GALNT18: variants seen among roughly 807,000 people sequenced by gnomAD.
GALNT18 encodes the protein GalNAc-transferase 18.
GALNT18 carries 44 observed loss-of-function variants against 69.5 expected under a neutral mutation model. The ratio of observed to expected loss-of-function variants is 0.63; its 90% CI spans 0.50 to 0.81. GALNT18 has a LOEUF of 0.81. GALNT18 is among the 40% of genes least tolerant of loss of function. GALNT18 has a pLI of 0.00. For missense variants in GALNT18, 715 were observed against 810.0 expected, an observed-to-expected ratio of 0.88 and a Z score of 1.42; for synonymous variants, 364 against 318.2, an observed-to-expected ratio of 1.14 and a Z score of -1.53.
At chr11:11,520,644 C>T (rs1857375461) in intron 1 of GALNT18, among the ~76,000 whole-genome samples, 1 of 152,144 alleles carries the variant, frequency 6.6e-6, no homozygotes, top group African/African-American at 2.4e-5. Context: ...TGGGGACCCA[C>T]ACCTCTGGGA....
chr11:11,287,472 C>G (rs554428739), intron 10 of GALNT18, among the ~76,000 whole-genome samples: 1 of 152,154 alleles, frequency 6.6e-6, no homozygotes, highest in African/African-American at 2.4e-5. Context: ...CCACAAAGTT[C>G]TTCTCTGTAG....
At position 11,602,842 on chromosome 11, in the gene GALNT18, G is replaced by A. The variant is rs759458227; in HGVS notation, c.235+18517C>T. The stretch of plus-strand genomic sequence containing the variant: ...TTACTTCACTTTGACCATATTTTCT[G>A]AATTAAAAATAAGGGTGTATGGTCT... On this transcript the variant is annotated intron_variant, in intron 1 of 10. Coordinates refer to ENST00000227756, the MANE Select transcript of GALNT18 (RefSeq NM_198516.3). This position sits in a 1 kb window ranked among gnomAD's most constrained non-coding sequence, Gnocchi z 4.7. 7.2e-5 allele frequency among the ~76,000 whole-genome samples: 11 copies of A among 152,120 alleles called. No individual in the cohort carries two copies. Among genetic ancestry groups the A allele is most frequent in the Non-Finnish European group, 1.5e-5 (1 of 68,012 alleles).
In GALNT18 at chr11:11,547,108, G is replaced by A. The variant is rs548022194; in HGVS notation, c.235+74251C>T. On this transcript the variant is annotated intron_variant, in intron 1 of 10. Transcript: ENST00000227756. Reference sequence around the variant, plus strand: ...CTGCTGTGAGGATTAAATGAGAAACGTACAGAAAGTATTTAGCCTTGTGCA... The same window carrying A: ...CTGCTGTGAGGATTAAATGAGAAACATACAGAAAGTATTTAGCCTTGTGCA... Among the ~76,000 whole-genome samples the A allele has an allele frequency of 4.6e-5, 7 of 152,294 alleles. 1 individual carries two copies. Among genetic ancestry groups the A allele is most frequent in the African/African-American group, 1.4e-4 (6 of 41,552 alleles).
chr11:11,454,112 A>C lies in GALNT18; in HGVS notation c.236-5176T>G, dbSNP rs959918539. On this transcript the variant is annotated intron_variant, in intron 1 of 10. Transcript: ENST00000227756. The surrounding 1 kb of genome is among the most constrained non-coding windows in gnomAD (Gnocchi z 4.2). ...TCAGAAAACTCCCTGCCTACTAGAG[A>C]TTCCCCAAATCTTTCAGAGGGAGTA... Among the ~76,000 whole-genome samples the C allele has an allele frequency of 1.3e-5, 2 of 152,190 alleles. No homozygotes were observed. The highest frequency in any genetic ancestry group is 4.8e-5 in the African/African-American group (2 of 41,454).
intron 9 of GALNT18, among the ~76,000 whole-genome samples, chr11:11,295,307 A>G (rs1849378820): frequency 6.6e-6 from 1 of 152,192 alleles, no homozygotes; most frequent in Non-Finnish European, 1.5e-5. Context: ...AGTATGTAAT[A>G]AAGGCACCAT....
intron 1 of GALNT18, among the ~76,000 whole-genome samples, chr11:11,457,469 T>C (rs1489359424): frequency 6.6e-6 from 1 of 152,192 alleles, no homozygotes; most frequent in Non-Finnish European, 1.5e-5. Context: ...ATCTGCTCCT[T>C]GGATTGGAGG....
Position 11,332,694 on chromosome 11 carries a change from C to G in GALNT18, c.1416G>C (p.Val472=), listed in dbSNP as rs146747428. 3 of 1,613,880 alleles carry G rather than the reference C, an allele frequency of 1.9e-6. No homozygotes were observed. In the African/African-American group the frequency reaches 4.0e-5, roughly 22 times the overall value. ...AACCCGGAGGAGGCCAGCTCCTTAC[C>G]ACTCCATAGGCAATGATGTCGGAGT... ...RMYSDIIAYG[V]LQNSLKTDLC... is the part of the protein sequence containing the mutation. The change falls in exon 8 of 11, where the codon GTG becomes GTC. Residue 472 remains valine, a splice_region_variant and synonymous_variant. Coordinates refer to ENST00000227756, the MANE Select transcript of GALNT18 (RefSeq NM_198516.3). This position sits in a 1 kb window ranked among gnomAD's most constrained non-coding sequence, Gnocchi z 4.3.
chr11:11,305,130 C>T (rs1223255262), intron 9 of GALNT18, among the ~76,000 whole-genome samples: 2 of 152,042 alleles, frequency 1.3e-5, no homozygotes. Flanking sequence ...ATCTATGCAA[C>T]GAAGAGACGG....
At position 11,309,675 on chromosome 11, in the gene GALNT18, C is replaced by G. The variant is rs1308348554; in HGVS notation, c.1513-16482G>C. 6.6e-6 allele frequency among the ~76,000 whole-genome samples: 1 copy of G among 152,166 alleles called. No homozygotes were observed. The highest frequency in any genetic ancestry group is 1.5e-5 in the Non-Finnish European group (1 of 68,030). ...CAAACTCATGATCTTTAACCTCAAC[C>G]AGGTACTTCAACACAACCTAGTATT... On this transcript the variant is annotated intron_variant, in intron 9 of 10. Transcript: ENST00000227756. The surrounding 1 kb of genome is among the most constrained non-coding windows in gnomAD (Gnocchi z 4.6).
intron 10 of GALNT18, among the ~76,000 whole-genome samples, chr11:11,279,599 C>CGATGAG (rs1554908633): frequency 6.6e-5 from 10 of 151,588 alleles, no homozygotes; most frequent in Non-Finnish European, 1.0e-4. Flanking sequence ...TAGCTATACT[C>CGATGAG]GATAAATCTC....
chr11:11,511,027 G>A lies in GALNT18; in HGVS notation c.236-62091C>T, dbSNP rs1857154062. ...CTCTTTCCTCTCGGCGGGGCGTGCA[G>A]CTGGTACCGCCTTCCACTTGACTCC... is the stretch of plus-strand genomic sequence containing the variant. On this transcript the variant is annotated intron_variant, in intron 1 of 10. Coordinates refer to ENST00000227756, the MANE Select transcript of GALNT18 (RefSeq NM_198516.3). The surrounding 1 kb of genome is among the most constrained non-coding windows in gnomAD (Gnocchi z 4.9). Among the ~76,000 whole-genome samples the A allele has an allele frequency of 6.6e-6, 1 of 152,024 alleles. No individual in the cohort carries two copies. The highest frequency in any genetic ancestry group is 2.1e-4 in the South Asian group (1 of 4,792).
At chr11:11,327,250 G>T in intron 8 of GALNT18, 69 bp from the exon 9 acceptor site, 1 of 1,136,674 alleles carries the variant, frequency 8.8e-7, no homozygotes, top group Non-Finnish European at 1.3e-6. Flanking sequence ...ATTAACTCTG[G>T]AGAAACAAGT....
At chr11:11,284,266 G>C (rs1231095691) in intron 10 of GALNT18, among the ~76,000 whole-genome samples, 2 of 152,202 alleles carry the variant, frequency 1.3e-5, no homozygotes, top group African/African-American at 4.8e-5. Flanking sequence ...GTGTGTCTGT[G>C]GTGCCTACGT....
chr11:11,487,611 T>C (rs1412515908), intron 1 of GALNT18, among the ~76,000 whole-genome samples: 1 of 152,224 alleles, frequency 6.6e-6, no homozygotes, highest in Non-Finnish European at 1.5e-5. Flanking sequence ...TTCGAGTCCC[T>C]GCACAGGTTT....
At position 11,389,267 on chromosome 11, in the gene GALNT18, G is replaced by C. The variant is rs1854125631; in HGVS notation, c.596-10003C>G. 6.6e-6 allele frequency among the ~76,000 whole-genome samples: 1 copy of C among 152,202 alleles called. No homozygotes were observed. Among genetic ancestry groups the C allele is most frequent in the Non-Finnish European group, 1.5e-5 (1 of 68,040 alleles). On this transcript the variant is annotated intron_variant, in intron 3 of 10. Transcript: ENST00000227756. This position sits in a 1 kb window ranked among gnomAD's most constrained non-coding sequence, Gnocchi z 4.3. Reference sequence around the variant, plus strand: ...CAGTCTGTCCAGCAGCCTTCCGAAGGAGTCAGCTTTGTAGGCTCAACAGAA... The same window carrying C: ...CAGTCTGTCCAGCAGCCTTCCGAAGCAGTCAGCTTTGTAGGCTCAACAGAA...
At chr11:11,488,031 C>T (rs994687993) in intron 1 of GALNT18, among the ~76,000 whole-genome samples, 3 of 152,210 alleles carry the variant, frequency 2.0e-5, no homozygotes, top group African/African-American at 7.2e-5. Flanking sequence ...CCAAGCCTTA[C>T]TATCTATGAC....
chr11:11,348,661 T>G (rs563696269), intron 6 of GALNT18, among the ~76,000 whole-genome samples: 6 of 152,306 alleles, frequency 3.9e-5, no homozygotes, highest in Admixed American at 3.9e-4. Context: ...TCTAGTTATG[T>G]CCAGTTATGC....
At chr11:11,548,847 A>C (rs1466622575) in intron 1 of GALNT18, among the ~76,000 whole-genome samples, 1 of 152,236 alleles carries the variant, frequency 6.6e-6, no homozygotes, top group East Asian at 1.9e-4. Flanking sequence ...TTCTTTGCTA[A>C]TCACAATAGA....
Position 11,432,260 on chromosome 11 carries a change from G to A in GALNT18, c.595+361C>T, listed in dbSNP as rs1855281876. 6.6e-6 allele frequency among the ~76,000 whole-genome samples: 1 copy of A among 152,218 alleles called. No individual in the cohort carries two copies. Among genetic ancestry groups the A allele is most frequent in the Admixed American group, 6.5e-5 (1 of 15,280 alleles). ...CCAGTGAACAATCTTCCAGGCAGAG[G>A]CTGTGGAACCCTACTAGGTGAAATG... On this transcript the variant is annotated intron_variant, in intron 3 of 10. Transcript: ENST00000227756. This position sits in a 1 kb window ranked among gnomAD's most constrained non-coding sequence, Gnocchi z 5.8.
Sources: gnomAD v4.1 joint callset for allele counts (sites outside exome capture counted in the v4.1 genomes callset) on GRCh38, gnomAD v4.1.1 for gene constraint, Gnocchi (gnomAD v3.1) non-coding constraint, MANE v1.5 for transcripts, NCBI Gene and HGNC (gene_info 2026-07-23, HGNC 2026-07-21) for gene names.